Variants in MMP17 observed in about 807,000 individuals in gnomAD.
MMP17 encodes matrix metalloproteinase-17.
Under a neutral mutation model 49.1 loss-of-function variants are expected in MMP17, and 54 were observed. The ratio of observed to expected loss-of-function variants is 1.10; its 90% CI spans 0.88 to 1.38. MMP17 has a LOEUF of 1.38. MMP17 is among the 40% of genes most tolerant of loss of function. The pLI, the probability that MMP17 is intolerant of heterozygous loss-of-function variation, is 0.00. For missense variants in MMP17, 837 were observed against 853.7 expected (o/e 0.98, Z 0.24); for synonymous variants, 397 against 383.1 (o/e 1.04, Z -0.42).
intron 5 of MMP17, 115 bp downstream of exon 5, chr12:131,841,915 G>C: frequency 1.7e-6 from 2 of 1,194,340 alleles, no homozygotes; most frequent in Non-Finnish European, 2.3e-6. Context: ...TTCCCTCCAC[G>C]GATGGTGCCG....
At chr12:131,830,862 G>C (rs1419397267) in intron 1 of MMP17, among the ~76,000 whole-genome samples, 3 of 152,084 alleles carry the variant, frequency 2.0e-5, no homozygotes, top group African/African-American at 7.2e-5. Flanking sequence ...ACAAAAGAGC[G>C]CACTGTCCCC....
intron 6 of MMP17, chr12:131,844,585 C>T (rs541856064): frequency 9.2e-6 from 2 of 216,994 alleles, no homozygotes; most frequent in South Asian, 7.1e-5. Context: ...TGCCAGAGGC[C>T]GGTAGAAGCT....
At chr12:131,850,736 G>C (rs1268615071) in intron 9 of MMP17, among the ~76,000 whole-genome samples, 189 bp from the exon 10 acceptor site, 1 of 150,322 alleles carries the variant, frequency 6.7e-6, no homozygotes, top group Non-Finnish European at 1.5e-5. Context: ...CATCTAGCAC[G>C]AGCCGCCCCC....
chr12:131,849,688 CCCAGGTGAGGGG>C, intron 8 of MMP17, 102 bp from the exon 9 acceptor site: 1 of 1,243,500 alleles, frequency 8.0e-7, no homozygotes, highest in Admixed American at 2.3e-5. Context: ...TCCCATCAAG[CCCAGGTGAGGGG>C]CCAGGGCAAG....
rs1011410144 is a variant in MMP17 at position 131,837,980 on chromosome 12, G to A, written c.160-215G>A. On this transcript the variant is annotated intron_variant, in intron 1 of 9. Coordinates refer to ENST00000360564, the MANE Select transcript of MMP17 (RefSeq NM_016155.7). The stretch of plus-strand genomic sequence containing the variant: ...CTGCCTCGGCCTCCCAAACTGCTGG[G>A]ATTACAGGCGTGAGCCACAGCACCC... 3.0e-4 allele frequency: 147 copies of A among 492,206 alleles called. 1 individual carries two copies. The highest frequency in any genetic ancestry group is 3.9e-5 in the African/African-American group (2 of 51,464). The allele number at this position is 492,206 out of a possible 1,614,324, so 30.5% of individuals were successfully genotyped here.
chr12:131,838,651 C>A lies in MMP17; in HGVS notation c.332C>A (p.Ser111Tyr). 1 of 1,611,290 alleles carries A rather than the reference C, an allele frequency of 6.2e-7. No homozygotes were observed. Among genetic ancestry groups the A allele is most frequent in the East Asian group, 2.2e-5 (1 of 44,822 alleles). Residue 111 changes from serine (S) to tyrosine (Y), a missense_variant, in exon 3 of 10, where the codon TCC becomes TAC. Transcript: ENST00000360564. ...TLALMKTPRC[S>Y]LPDLPVLTQA... ...GCCCTGATGAAAACCCCACGCTGCT[C>A]CCTGCCAGACCTCCCTGTCCTGACC...
rs757820051 is a variant in MMP17 at position 131,849,816 on chromosome 12, G to T, written c.1219G>T (p.Val407Leu). 18 of 1,613,458 alleles carry T rather than the reference G, an allele frequency of 1.1e-5. No homozygotes were observed. The highest frequency in any genetic ancestry group is 1.4e-5 in the Non-Finnish European group (17 of 1,179,824). The change falls in exon 9 of 10, where the codon GTG becomes TTG. Residue 407 changes from valine to leucine, a missense_variant. Physicochemically the swap from Val to Leu is conservative, Grantham distance 32. Coordinates refer to ENST00000360564, the MANE Select transcript of MMP17 (RefSeq NM_016155.7). ...CTCGCCCCCAGGAGACAGGTACTGG[G>T]TGTTCAAGGACAATAACGTAGAGGA... ...IVFFKGDRYW[V>L]FKDNNVEEGY... is the part of the protein sequence containing the mutation.
intron 5 of MMP17, among the ~76,000 whole-genome samples, chr12:131,842,766 G>A (rs1264565956): frequency 1.1e-4 from 16 of 150,148 alleles, no homozygotes; most frequent in Admixed American, 9.9e-4. Flanking sequence ...GAGTGAGACT[G>A]CCTCAAAAAA....
Position 131,846,167 on chromosome 12 carries a change from G to A in MMP17, c.1204+718G>A, listed in dbSNP as rs1887694039. ...CCCGGAGTTTCCCTCACAGTCTGGAGGCCACGAGTCCGAAATCAAGGGCTA... is the reference window on the plus strand; with the variant it reads ...CCCGGAGTTTCCCTCACAGTCTGGAAGCCACGAGTCCGAAATCAAGGGCTA... On this transcript the variant is annotated intron_variant, in intron 8 of 9. Transcript: ENST00000360564. This position sits in a 1 kb window ranked among gnomAD's most constrained non-coding sequence, Gnocchi z 4.6. 6.6e-6 allele frequency among the ~76,000 whole-genome samples: 1 copy of A among 152,154 alleles called. No homozygotes were observed. Among genetic ancestry groups the A allele is most frequent in the Non-Finnish European group, 1.5e-5 (1 of 68,022 alleles).
chr12:131,845,866 C>G (rs1016741237), intron 8 of MMP17, among the ~76,000 whole-genome samples: 1 of 152,096 alleles, frequency 6.6e-6, no homozygotes, highest in Non-Finnish European at 1.5e-5. Flanking sequence ...GCAGCCCTGC[C>G]GAGTCCCAAA....
intron 3 of MMP17, chr12:131,840,030 T>G (rs1887301608): frequency 6.6e-6 from 1 of 152,468 alleles, no homozygotes; most frequent in Non-Finnish European, 1.5e-5. Context: ...TCGAGCAATC[T>G]GCCCACCCTG....
intron 1 of MMP17, among the ~76,000 whole-genome samples, chr12:131,836,334 G>C (rs1887083346): frequency 6.6e-6 from 1 of 152,168 alleles, no homozygotes; most frequent in Non-Finnish European, 1.5e-5. Context: ...CCAGGATGGT[G>C]GTGCCTCATT....
intron 1 of MMP17, among the ~76,000 whole-genome samples, chr12:131,829,463 C>A (rs576114787): frequency 2.0e-5 from 3 of 151,968 alleles, no homozygotes; most frequent in Non-Finnish European, 2.9e-5. Flanking sequence ...AGCGCCCCCC[C>A]GCTGGGGCGG....
chr12:131,841,100 G>T (rs1396209112), intron 4 of MMP17, among the ~76,000 whole-genome samples: 1 of 152,228 alleles, frequency 6.6e-6, no homozygotes, highest in Non-Finnish European at 1.5e-5. Context: ...TCCTCATCAC[G>T]TTCTCAGCAC....
At chr12:131,830,206 C>T (rs1437581590) in intron 1 of MMP17, among the ~76,000 whole-genome samples, 1 of 152,226 alleles carries the variant, frequency 6.6e-6, no homozygotes, top group African/African-American at 2.4e-5. Flanking sequence ...GGAAGTTTCT[C>T]GCCACCCACC....
At chr12:131,843,967 T>C in intron 5 of MMP17, 30 bp from the exon 6 acceptor site, 2 of 1,504,882 alleles carry the variant, frequency 1.3e-6, no homozygotes, top group African/African-American at 2.8e-5. Flanking sequence ...GTCGGGGGTT[T>C]GAGGCCGTCC....
rs373834406 is a variant in MMP17, at chr12:131,849,884, C to T, written c.1287C>T (p.Gly429=). ...RPVSDFSLPP[G]GIDAAFSWAH... is the part of the protein sequence containing the mutation. Reference sequence around the variant, plus strand: ...TCTCCGACTTCAGCCTCCCGCCTGGCGGCATCGACGCTGCCTTCTCCTGGG... The same window carrying T: ...TCTCCGACTTCAGCCTCCCGCCTGGTGGCATCGACGCTGCCTTCTCCTGGG... Residue 429 remains glycine, a synonymous_variant, in exon 9 of 10, where the codon GGC becomes GGT. Transcript: ENST00000360564. 7.4e-6 allele frequency: 12 copies of T among 1,613,934 alleles called. No homozygotes were observed. The highest frequency in any genetic ancestry group is 6.7e-5 in the African/African-American group (5 of 74,932).
chr12:131,850,797 C>A, intron 9 of MMP17, 128 bp from the exon 10 acceptor site: 3 of 604,034 alleles, frequency 5.0e-6, no homozygotes, highest in Non-Finnish European at 7.7e-6. Context: ...AAGCCCCCTG[C>A]TGTCTGGCCC....
chr12:131,849,796 C>T lies in MMP17; in HGVS notation c.1205-6C>T, dbSNP rs762316780. ...CCCGGCCCACAGCTGTTTCTCTCGC[C>T]CCCAGGAGACAGGTACTGGGTGTTC... is the stretch of plus-strand genomic sequence containing the variant. On this transcript the variant is annotated splice_polypyrimidine_tract_variant and splice_region_variant and intron_variant, in intron 8 of 9. Transcript: ENST00000360564. The T allele has an allele frequency of 1.9e-6, 3 of 1,607,324 alleles. No individual in the cohort carries two copies. In the South Asian group the frequency reaches 3.3e-5, roughly 18 times the overall value.
Sources: allele counts gnomAD v4.1 joint callset (sites outside exome capture counted in the v4.1 genomes callset), GRCh38; gene constraint gnomAD v4.1.1; non-coding constraint Gnocchi (gnomAD v3.1); transcripts MANE v1.5; gene names NCBI Gene and HGNC (gene_info 2026-07-23, HGNC 2026-07-21).